PLPP3: variants seen among roughly 807,000 people sequenced by gnomAD.
The protein encoded by PLPP3 is phospholipid phosphatase 3.
Under a neutral mutation model 29.6 loss-of-function variants are expected in PLPP3, and 6 were observed. The ratio of observed to expected loss-of-function variants is 0.20; its 90% CI spans 0.11 to 0.40. PLPP3 has a LOEUF of 0.40. PLPP3 is among the 10% of genes least tolerant of loss of function. The pLI, the probability that PLPP3 is intolerant of heterozygous loss-of-function variation, is 1.00. For missense variants in PLPP3, 308 were observed against 407.7 expected, an observed-to-expected ratio of 0.76 and a Z score of 2.11; for synonymous variants, 152 against 159.7, an observed-to-expected ratio of 0.95 and a Z score of 0.36.
chr1:56,557,076 AAAAATGAGAGAGAGAG>A (rs1646088898), intron 1 of PLPP3, among the ~76,000 whole-genome samples: 1 of 133,064 alleles, frequency 7.5e-6, no homozygotes, highest in Non-Finnish European at 1.6e-5. Context: ...GAAAGAAAGA[AAAAATGAGAGAGAGAG>A]AAAGAGGCTG....
chr1:56,522,702 T>C (rs1645827390), intron 4 of PLPP3, among the ~76,000 whole-genome samples: 2 of 152,324 alleles, frequency 1.3e-5, no homozygotes, highest in South Asian at 4.1e-4. Context: ...AAACAAACTT[T>C]CTGCTGTTTT....
chr1:56,542,110 T>C lies in PLPP3; in HGVS notation c.140-4998A>G, dbSNP rs144840687. On this transcript the variant is annotated intron_variant, in intron 1 of 5. Coordinates refer to ENST00000371250, the MANE Select transcript of PLPP3 (RefSeq NM_003713.5). ...TGTAGGTTGCAGAGGAGGTGAAATA[T>C]GAACTCACTGACAAACACTTAATGG... is the stretch of plus-strand genomic sequence containing the variant. Among the ~76,000 whole-genome samples, 1,318 of 152,156 alleles carry C rather than the reference T, an allele frequency of 8.7e-3. 13 individuals carry two copies. The highest frequency in any genetic ancestry group is 0.03 in the African/African-American group (1,258 of 41,492).
chr1:56,531,078 A>T (rs1467235684), intron 2 of PLPP3, among the ~76,000 whole-genome samples: 1 of 152,186 alleles, frequency 6.6e-6, no homozygotes, highest in Non-Finnish European at 1.5e-5. Flanking sequence ...TGATGACAGT[A>T]TCAAAAGCAG....
intron 4 of PLPP3, among the ~76,000 whole-genome samples, chr1:56,517,924 A>G (rs1476703859): frequency 6.6e-6 from 1 of 152,192 alleles, no homozygotes; most frequent in Non-Finnish European, 1.5e-5. Context: ...GGAGCCTAAG[A>G]GCTGACTCAT....
intron 1 of PLPP3, among the ~76,000 whole-genome samples, chr1:56,541,966 CAAAAAAAA>C (rs71813861): frequency 7.9e-6 from 1 of 126,620 alleles, no homozygotes; most frequent in Non-Finnish European, 1.7e-5. Flanking sequence ...AAAGCATGAC[CAAAAAAAA>C]AAAAAAAAAA....
At chr1:56,557,016 G>GAA (rs1646084319) in intron 1 of PLPP3, among the ~76,000 whole-genome samples, 1 of 8,358 alleles carries the variant, frequency 1.2e-4, no homozygotes, top group Non-Finnish European at 3.1e-4. Flanking sequence ...GAAAGAGAGA[G>GAA]AGAGAGAGAA....
chr1:56,531,754 G>C (rs1279161384), intron 2 of PLPP3, among the ~76,000 whole-genome samples: 1 of 152,194 alleles, frequency 6.6e-6, no homozygotes, highest in Non-Finnish European at 1.5e-5. Context: ...TCACTAAGCA[G>C]AGTAACCTCG....
intron 2 of PLPP3, among the ~76,000 whole-genome samples, chr1:56,535,604 G>C (rs1268215064): frequency 1.3e-5 from 2 of 152,108 alleles, no homozygotes; most frequent in African/African-American, 2.4e-5. Flanking sequence ...GCTCTCAATA[G>C]CACATTTTTT....
intron 4 of PLPP3, 97 bp downstream of exon 4, chr1:56,523,726 A>C: frequency 1.5e-6 from 2 of 1,329,390 alleles, no homozygotes; most frequent in Non-Finnish European, 2.1e-6. Context: ...AGGATTTCAC[A>C]GTGATGGCAT....
intron 1 of PLPP3, among the ~76,000 whole-genome samples, chr1:56,576,258 T>C (rs181536036): frequency 6.6e-6 from 1 of 152,212 alleles, no homozygotes; most frequent in East Asian, 1.9e-4. Flanking sequence ...AACAGAAAAC[T>C]GTCTCTCTTC....
At chr1:56,549,099 G>A (rs1045546719) in intron 1 of PLPP3, among the ~76,000 whole-genome samples, 3 of 152,192 alleles carry the variant, frequency 2.0e-5, no homozygotes, top group Non-Finnish European at 4.4e-5. Flanking sequence ...GGCAGTGAAA[G>A]ATGTTAATGT....
At chr1:56,516,805 T>A (rs980795830) in intron 4 of PLPP3, 2 of 151,894 alleles carry the variant, frequency 1.3e-5, no homozygotes, top group Admixed American at 1.3e-4. Flanking sequence ...AATTGCTGAT[T>A]GTGGATATGA....
In PLPP3 at chr1:56,536,742, G is replaced by A. The variant is rs147317003; in HGVS notation, c.297+213C>T. On this transcript the variant is annotated intron_variant, in intron 2 of 5. Coordinates refer to ENST00000371250, the MANE Select transcript of PLPP3 (RefSeq NM_003713.5). ...TTTTGTAGCTGTAGTCTTTGAGTAC[G>A]TCATTTAACTCTCCCATCTGTATAA... Among the ~76,000 whole-genome samples, 676 of 152,240 alleles carry A rather than the reference G, an allele frequency of 4.4e-3. 4 individuals carry two copies. Among genetic ancestry groups the A allele is most frequent in the African/African-American group, 0.014 (593 of 41,550 alleles).
intron 1 of PLPP3, among the ~76,000 whole-genome samples, chr1:56,545,214 A>G (rs932304604): frequency 5.9e-5 from 9 of 152,210 alleles, no homozygotes; most frequent in Non-Finnish European, 1.0e-4. Flanking sequence ...TTCCACTCCT[A>G]TCAACTGTCA....
intron 4 of PLPP3, among the ~76,000 whole-genome samples, chr1:56,515,358 C>G (rs1417214609): frequency 6.6e-6 from 1 of 152,196 alleles, no homozygotes; most frequent in African/African-American, 2.4e-5. Flanking sequence ...ACCATTCCCC[C>G]TGCCCCTGCA....
At chr1:56,519,650 T>C (rs1483295766) in intron 4 of PLPP3, among the ~76,000 whole-genome samples, 1 of 152,112 alleles carries the variant, frequency 6.6e-6, no homozygotes, top group African/African-American at 2.4e-5. Flanking sequence ...TCTCCGACCA[T>C]GGAGGTGCAG....
intron 5 of PLPP3, among the ~76,000 whole-genome samples, chr1:56,497,190 C>T (rs930675294): frequency 3.9e-5 from 6 of 152,180 alleles, no homozygotes; most frequent in Non-Finnish European, 7.3e-5. Context: ...AACCATTTGA[C>T]GGGGGTCAAG....
At chr1:56,502,041 C>G (rs1645671449) in intron 5 of PLPP3, among the ~76,000 whole-genome samples, 1 of 152,214 alleles carries the variant, frequency 6.6e-6, no homozygotes, top group African/African-American at 2.4e-5. Flanking sequence ...CACACACAGT[C>G]CAGCCCTGCT....
chr1:56,529,571 A>G (rs1645873407), intron 2 of PLPP3, among the ~76,000 whole-genome samples: 1 of 152,160 alleles, frequency 6.6e-6, no homozygotes. Flanking sequence ...CTCAGTCCCA[A>G]AGGAAAGGAA....
Sources: gnomAD v4.1 joint callset for allele counts (sites outside exome capture counted in the v4.1 genomes callset) on GRCh38, gnomAD v4.1.1 for gene constraint, MANE v1.5 for transcripts, NCBI Gene and HGNC (gene_info 2026-07-23, HGNC 2026-07-21) for gene names.